KIAA1328: variants seen among roughly 807,000 people sequenced by gnomAD.
The protein encoded by KIAA1328 is KIAA1328, also known as protein hinderin.
A neutral mutation model predicts 68.1 loss-of-function variants in KIAA1328; 52 were observed. The ratio of observed to expected loss-of-function variants is 0.76; its 90% CI spans 0.61 to 0.96. KIAA1328 has a LOEUF of 0.96. Among genes scored for constraint, KIAA1328 ranks in the 40% least tolerant of loss-of-function variants. The probability of loss-of-function intolerance (pLI) is 0.00; values close to 1 mark genes in which losing one functional copy is unlikely to be tolerated. For synonymous variants in KIAA1328, 232 were observed against 239.4 expected (o/e 0.97, Z 0.28); for missense variants, 641 against 677.6 (o/e 0.95, Z 0.60).
chr18:36,990,964 T>C (rs915203606), intron 6 of KIAA1328, among the ~76,000 whole-genome samples: 3 of 151,948 alleles, frequency 2.0e-5, no homozygotes, highest in African/African-American at 7.2e-5. Flanking sequence ...GTATAAACAG[T>C]TAATTGTGAT....
chr18:37,017,967 T>C (rs322644), intron 6 of KIAA1328, among the ~76,000 whole-genome samples: 111,282 of 151,940 alleles, frequency 0.73, 43,898 homozygotes, highest in South Asian at 0.89. Context: ...ATATTCAAGG[T>C]TAATATTGAT....
At chr18:37,191,150 C>T (rs975241802) in intron 9 of KIAA1328, among the ~76,000 whole-genome samples, 12 of 152,134 alleles carry the variant, frequency 7.9e-5, no homozygotes, top group African/African-American at 9.7e-5. Flanking sequence ...TCCCTGTCTG[C>T]GGAATCATTC....
At chr18:37,054,280 C>T (rs1179296797) in intron 6 of KIAA1328, among the ~76,000 whole-genome samples, 5 of 151,938 alleles carry the variant, frequency 3.3e-5, no homozygotes, top group Non-Finnish European at 7.4e-5. Flanking sequence ...AAACTGGAAC[C>T]AACATTTTAC....
chr18:36,901,573 T>C (rs1417625232), intron 5 of KIAA1328, among the ~76,000 whole-genome samples: 1 of 152,086 alleles, frequency 6.6e-6, no homozygotes, highest in Non-Finnish European at 1.5e-5. Flanking sequence ...ATGAAGTCAC[T>C]GCCAGTTTTT....
chr18:37,182,368 CTG>C (rs1028797447), intron 9 of KIAA1328, among the ~76,000 whole-genome samples: 21 of 152,058 alleles, frequency 1.4e-4, no homozygotes, highest in Non-Finnish European at 2.2e-4. Context: ...AATTATAACT[CTG>C]TGGTTTATAG....
chr18:37,149,109 A>G (rs1442902603), intron 7 of KIAA1328, among the ~76,000 whole-genome samples: 2 of 152,226 alleles, frequency 1.3e-5, no homozygotes, highest in African/African-American at 4.8e-5. Context: ...AAGAGCTTAT[A>G]TAGCCAAGAC....
At chr18:36,876,599 A>G (rs2048136369) in intron 4 of KIAA1328, among the ~76,000 whole-genome samples, 1 of 151,896 alleles carries the variant, frequency 6.6e-6, no homozygotes, top group African/African-American at 2.4e-5. Context: ...CAGTCTATCT[A>G]TTTTGTTAAT....
At chr18:36,829,498 C>A in intron 1 of KIAA1328, 2 of 1,155,632 alleles carry the variant, frequency 1.7e-6, no homozygotes, top group South Asian at 3.6e-5. Flanking sequence ...GATGGCCCTC[C>A]GAGGTCCCTC....
chr18:36,852,986 T>G (rs1338660312), intron 4 of KIAA1328, among the ~76,000 whole-genome samples: 3 of 152,236 alleles, frequency 2.0e-5, no homozygotes, highest in East Asian at 3.8e-4. Flanking sequence ...GAGGTGCTGT[T>G]TGGTGTATAT....
intron 9 of KIAA1328, among the ~76,000 whole-genome samples, chr18:37,197,925 T>C (rs528134288): frequency 1.3e-5 from 2 of 152,098 alleles, no homozygotes; most frequent in Admixed American, 6.5e-5. Flanking sequence ...CAATTCATAG[T>C]AGAAAAAAGG....
intron 5 of KIAA1328, among the ~76,000 whole-genome samples, chr18:36,930,426 C>G (rs1275350395): frequency 1.3e-5 from 2 of 152,130 alleles, no homozygotes; most frequent in Non-Finnish European, 2.9e-5. Flanking sequence ...AAGCAACATT[C>G]TTTTGAGACT....
At chr18:37,167,476 G>A (rs1225112635) in intron 8 of KIAA1328, among the ~76,000 whole-genome samples, 1 of 152,090 alleles carries the variant, frequency 6.6e-6, no homozygotes, top group Non-Finnish European at 1.5e-5. Context: ...GGAGTGGGAA[G>A]GTAGTTTTAC....
chr18:36,964,540 C>G (rs949223492), intron 6 of KIAA1328, among the ~76,000 whole-genome samples: 1 of 152,138 alleles, frequency 6.6e-6, no homozygotes, highest in Non-Finnish European at 1.5e-5. Flanking sequence ...TTGTTTTTGA[C>G]ATCTGTCATT....
chr18:36,867,295 C>G (rs745880689), intron 4 of KIAA1328, among the ~76,000 whole-genome samples: 8 of 152,194 alleles, frequency 5.3e-5, no homozygotes, highest in African/African-American at 4.8e-5. Context: ...GCACCTCCCC[C>G]ACCATCTTGC....
chr18:37,100,996 C>T (rs1343823189), intron 7 of KIAA1328, among the ~76,000 whole-genome samples: 6 of 152,290 alleles, frequency 3.9e-5, no homozygotes, highest in Non-Finnish European at 8.8e-5. Context: ...ACAGAAAGGA[C>T]ATCCACACCA....
intron 9 of KIAA1328, among the ~76,000 whole-genome samples, chr18:37,186,646 A>G (rs1000275692): frequency 1.3e-4 from 20 of 151,042 alleles, no homozygotes; most frequent in Admixed American, 1.3e-3. Flanking sequence ...TTCTGGATCT[A>G]TGTTCTCACC....
At chr18:37,026,448 G>C (rs545040737) in intron 6 of KIAA1328, among the ~76,000 whole-genome samples, 5 of 152,248 alleles carry the variant, frequency 3.3e-5, no homozygotes, top group South Asian at 4.1e-4. Flanking sequence ...CAATATCCCT[G>C]ATGAACATCG....
At chr18:36,896,854 A>AT (rs971480804) in intron 5 of KIAA1328, among the ~76,000 whole-genome samples, 1 of 152,152 alleles carries the variant, frequency 6.6e-6, no homozygotes, top group Non-Finnish European at 1.5e-5. Context: ...TCTGTTTGCC[A>AT]TACCACAGCT....
At chr18:37,211,356 T>C (rs2060312587) in intron 9 of KIAA1328, among the ~76,000 whole-genome samples, 2 of 152,202 alleles carry the variant, frequency 1.3e-5, no homozygotes, top group Admixed American at 6.5e-5. Context: ...TTCCAAATTA[T>C]GTCTAAGACT....
Sources: gnomAD v4.1 joint callset for allele counts (sites outside exome capture counted in the v4.1 genomes callset) on GRCh38, gnomAD v4.1.1 for gene constraint, MANE v1.5 for transcripts, NCBI Gene and HGNC (gene_info 2026-07-23, HGNC 2026-07-21) for gene names.